Variants in USB1 observed in about 807,000 individuals in gnomAD.
USB1 encodes the protein U6 snRNA phosphodiesterase 1.
Under a neutral mutation model 29.9 loss-of-function variants are expected in USB1, and 21 were observed. The ratio of observed to expected loss-of-function variants is 0.70; its 90% CI spans 0.50 to 1.01. The LOEUF (loss-of-function observed/expected upper bound fraction) is 1.01. USB1 is among the 50% of genes least tolerant of loss of function. USB1 has a pLI of 0.00. For synonymous variants in USB1, 143 were observed against 134.9 expected (o/e 1.06, Z -0.42); for missense variants, 330 against 347.1 (o/e 0.95, Z 0.39).
rs56262437 is a variant in USB1, at chr16:58,008,453, CTTTTT to C, written c.266-1462_266-1458del. On this transcript the variant is annotated intron_variant, in intron 2 of 6. Transcript: ENST00000219281. ...ATTGACTTTAGATCTTTTTCTTTTT[CTTTTT>C]TTTTTTTTTTTTTGTGAGGGAGCCT... Among the ~76,000 whole-genome samples, 255 of 115,178 alleles carry C rather than the reference CTTTTT, an allele frequency of 2.2e-3. 3 individuals carry two copies. The highest frequency in any genetic ancestry group is 0.018 in the East Asian group (76 of 4,296). The allele number at this position is 115,178 out of a possible 152,430, so 75.6% of individuals were successfully genotyped here.
chr16:58,012,337 C>T, intron 3 of USB1: 8 of 1,534,592 alleles, frequency 5.2e-6, no homozygotes, highest in Non-Finnish European at 7.0e-6. Flanking sequence ...GAAGCCCATG[C>T]CAGAAGCCCA....
At chr16:58,011,710 T>C (rs1963501108) in intron 3 of USB1, 3 of 987,574 alleles carry the variant, frequency 3.0e-6, no homozygotes, top group East Asian at 2.3e-4. Context: ...TTACCCCTGG[T>C]GGTCATTTCA....
chr16:58,001,226 A>G, upstream of USB1: 2 of 584,956 alleles, frequency 3.4e-6, no homozygotes, highest in Middle Eastern at 4.6e-4. Flanking sequence ...TGAAATGGGT[A>G]CACGAAGGCT....
chr16:58,011,049 A>G, intron 3 of USB1: 1 of 754,720 alleles, frequency 1.3e-6, no homozygotes, highest in East Asian at 2.7e-5. Flanking sequence ...CCTCATTGGA[A>G]CCAAAGATGC....
At chr16:58,011,113 G>A (rs746601154) in intron 3 of USB1, 1,239 of 1,157,142 alleles carry the variant, frequency 1.1e-3, no homozygotes, top group Non-Finnish European at 1.5e-3. Context: ...CAGGAGCCAG[G>A]ATCACAGACC....
At position 58,013,950 on chromosome 16, in the gene USB1, C is replaced by T. The variant is rs1963555636; in HGVS notation, c.450-323C>T. 3.2e-6 allele frequency: 1 copy of T among 317,354 alleles called. No individual in the cohort carries two copies. The allele number at this position is 317,354 out of a possible 1,614,324, so 19.7% of individuals were successfully genotyped here. ...CAGCTGTTAAGTGGTCCATTATCAC[C>T]TACTTGATCAATAAGGCTTTCTCAG... is the stretch of plus-strand genomic sequence containing the variant. On this transcript the variant is annotated intron_variant, in intron 3 of 6. Coordinates refer to ENST00000219281, the MANE Select transcript of USB1 (RefSeq NM_024598.4). The surrounding 1 kb of genome is among the most constrained non-coding windows in gnomAD (Gnocchi z 4.3).
intron 1 of USB1, 118 bp from the exon 2 acceptor site, chr16:58,002,361 G>C: frequency 1.3e-6 from 2 of 1,486,280 alleles, no homozygotes; most frequent in Admixed American, 3.4e-5. Context: ...TCCAGCACCA[G>C]GCTGGAAACA....
At position 58,017,290 on chromosome 16, in the gene USB1, C is replaced by T. The variant is rs1023464412; in HGVS notation, c.504-44C>T. The stretch of plus-strand genomic sequence containing the variant: ...GCTCGGCTGCGCAGATGGCTGTGTT[C>T]TCAGAGGCTACATCTCATGCCTGCG... On this transcript the variant is annotated intron_variant, in intron 4 of 6. Transcript: ENST00000219281. The T allele has an allele frequency of 2.5e-6, 4 of 1,580,644 alleles. No homozygotes were observed. The Admixed American group carries it at 5.0e-5, about 20-fold the overall frequency.
chr16:58,018,288 G>A (rs193268543), intron 5 of USB1, among the ~76,000 whole-genome samples: 98 of 150,032 alleles, frequency 6.5e-4, no homozygotes, highest in Middle Eastern at 6.8e-3. Context: ...GTGCAGTGGC[G>A]CAATCTCAGC....
chr16:58,006,170 T>C lies in USB1; in HGVS notation c.265+3525T>C, dbSNP rs148501720. On this transcript the variant is annotated intron_variant, in intron 2 of 6. Coordinates refer to ENST00000219281, the MANE Select transcript of USB1 (RefSeq NM_024598.4). ...GAGTTCAAGACCAGCCTGACCAACA[T>C]GGAGAAACCCCATTTCTACTAAAAA... Among the ~76,000 whole-genome samples the C allele has an allele frequency of 8.5e-3, 1,292 of 151,594 alleles. 14 individuals are homozygous for C. The highest frequency in any genetic ancestry group is 0.012 in the Non-Finnish European group (817 of 67,948).
intron 1 of USB1, among the ~76,000 whole-genome samples, chr16:58,002,270 C>G (rs1475221593): frequency 6.6e-6 from 1 of 152,114 alleles, no homozygotes; most frequent in African/African-American, 2.4e-5. Context: ...CCTGTTGTTT[C>G]CCATGGGGAC....
Position 58,002,569 on chromosome 16 carries a change from C to T in USB1, c.189C>T (p.Asp63=). 6.2e-7 allele frequency: 1 copy of T among 1,614,108 alleles called. No individual in the cohort carries two copies. The highest frequency in any genetic ancestry group is 1.7e-5 in the Admixed American group (1 of 60,030). ...GCACCGAGGAGGGGCCTGAAGATGA[C>T]AGCACAAAACACGGGGGACGGGTGC... ...FPGTEEGPED[D]STKHGGRVRT... is the part of the protein sequence containing the mutation. The change falls in exon 2 of 7, where the codon GAC becomes GAT. Residue 63 remains aspartate, a synonymous_variant. Transcript: ENST00000219281.
chr16:58,012,470 A>C, intron 3 of USB1: 1 of 1,166,960 alleles, frequency 8.6e-7, no homozygotes, highest in Non-Finnish European at 1.2e-6. Flanking sequence ...CCTGACTGTC[A>C]CCACCACAGG....
intron 2 of USB1, among the ~76,000 whole-genome samples, chr16:58,009,652 G>C (rs1963443571): frequency 6.6e-6 from 1 of 151,186 alleles, no homozygotes; most frequent in Admixed American, 6.6e-5. Context: ...ATGAACCCGG[G>C]AAACGGAGCT....
chr16:58,005,735 C>T (rs1469444924), intron 2 of USB1, among the ~76,000 whole-genome samples: 1 of 152,134 alleles, frequency 6.6e-6, no homozygotes, highest in Non-Finnish European at 1.5e-5. Context: ...GGATGGCTTG[C>T]CACCCACAAC....
chr16:57,999,709 T>A (rs1396066935), upstream of USB1: 2 of 152,528 alleles, frequency 1.3e-5, no homozygotes, highest in Non-Finnish European at 2.9e-5. Context: ...AAAGCTGTCA[T>A]CCTCAGCATC....
At chr16:58,017,081 T>C (rs1443935126) in intron 4 of USB1, 1 of 503,664 alleles carries the variant, frequency 2.0e-6, no homozygotes, top group African/African-American at 1.9e-5. Flanking sequence ...GGTGAAGGCG[T>C]TCCTGGAAGG....
At chr16:58,010,580 A>G (rs1963469231) in intron 3 of USB1, 1 of 255,932 alleles carries the variant, frequency 3.9e-6, no homozygotes, top group Admixed American at 5.1e-5. Context: ...GTTACCCACA[A>G]CATCTGTCTG....
rs1338735105 is a variant in USB1, at chr16:58,009,876, C to T, written c.266-53C>T. On this transcript the variant is annotated intron_variant, in intron 2 of 6. Coordinates refer to ENST00000219281, the MANE Select transcript of USB1 (RefSeq NM_024598.4). ...CTGCCTTCTGGGCTTCTTCATTCAG[C>T]CATGGCACCTTGGCTGAGAGAACGG... 3.1e-6 allele frequency: 5 copies of T among 1,611,138 alleles called. No individual in the cohort carries two copies. The African/African-American group carries it at 4.0e-5, about 13-fold the overall frequency.
Sources: gnomAD v4.1 joint callset for allele counts (sites outside exome capture counted in the v4.1 genomes callset) on GRCh38, gnomAD v4.1.1 for gene constraint, Gnocchi (gnomAD v3.1) non-coding constraint, MANE v1.5 for transcripts, NCBI Gene and HGNC (gene_info 2026-07-23, HGNC 2026-07-21) for gene names.